Variants in SORBS2 observed in about 807,000 individuals in gnomAD.
SORBS2 encodes the protein sorbin and SH3 domain-containing protein 2.
SORBS2 carries 46 observed loss-of-function variants against 97.7 expected under a neutral mutation model. The ratio of observed to expected loss-of-function variants is 0.47; its 90% CI spans 0.37 to 0.60. The LOEUF (loss-of-function observed/expected upper bound fraction) is 0.60, where lower values mean the gene tolerates loss of function less well. SORBS2 is among the 20% of genes least tolerant of loss of function. SORBS2 has a pLI of 0.00. For missense variants in SORBS2, 1,316 were observed against 1,282.3 expected (o/e 1.03, Z -0.40); for synonymous variants, 476 against 473.4 (o/e 1.01, Z -0.07).
intron 2 of SORBS2, among the ~76,000 whole-genome samples, chr4:185,730,614 G>A (rs1184334249): frequency 2.0e-5 from 3 of 152,234 alleles, no homozygotes; most frequent in African/African-American, 4.8e-5. Flanking sequence ...GTTCCTCCAA[G>A]AAAGGATGCT....
intron 12 of SORBS2, among the ~76,000 whole-genome samples, chr4:185,597,386 T>TGAC (rs1462897146): frequency 6.6e-6 from 1 of 152,076 alleles, no homozygotes; most frequent in Non-Finnish European, 1.5e-5. Flanking sequence ...GCTGGGACAC[T>TGAC]GACATTGATT....
At position 185,945,878 on chromosome 4, in the gene SORBS2, A is replaced by T. The variant is rs1358566952; in HGVS notation, c.-338+10318T>A. On this transcript the variant is annotated intron_variant, in intron 1 of 20. Transcript: ENST00000284776. ...GAGGGGTAGGGAATGATGTTCCAGG[A>T]AGAAGCAGCAGCAGTCAGAAAGGCA... Among the ~76,000 whole-genome samples the T allele has an allele frequency of 2.0e-5, 3 of 152,146 alleles. No individual in the cohort carries two copies. In the East Asian group the frequency reaches 5.8e-4, roughly 29 times the overall value.
intron 12 of SORBS2, among the ~76,000 whole-genome samples, chr4:185,595,476 G>C (rs1053877203): frequency 6.6e-6 from 1 of 152,006 alleles, no homozygotes; most frequent in African/African-American, 2.4e-5. Context: ...AAATATATAA[G>C]ATGGTAATTG....
intron 2 of SORBS2, among the ~76,000 whole-genome samples, chr4:185,724,171 A>C (rs1351693850): frequency 2.6e-5 from 4 of 152,110 alleles, no homozygotes; most frequent in Non-Finnish European, 4.4e-5. Context: ...GGGTTTCTTA[A>C]CCTACCTCTT....
chr4:185,734,438 G>A (rs2098668580), intron 2 of SORBS2, among the ~76,000 whole-genome samples: 2 of 152,150 alleles, frequency 1.3e-5, no homozygotes, highest in Admixed American at 6.5e-5. Context: ...GTTTTAGGTG[G>A]GGGTGAAGCA....
chr4:185,865,114 A>G (rs1279593936), intron 1 of SORBS2, among the ~76,000 whole-genome samples: 1 of 152,098 alleles, frequency 6.6e-6, no homozygotes, highest in South Asian at 2.1e-4. Flanking sequence ...TACCATGGGC[A>G]TCTTTCTGTT....
At chr4:185,773,025 T>A (rs115046371) in intron 2 of SORBS2, 82 of 148,648 alleles carry the variant, frequency 5.5e-4, no homozygotes, top group African/African-American at 1.9e-3. Flanking sequence ...AGTTTCAACG[T>A]AAAATTCAGG....
chr4:185,740,592 C>T (rs981885672), intron 2 of SORBS2, among the ~76,000 whole-genome samples: 1 of 152,156 alleles, frequency 6.6e-6, no homozygotes, highest in Admixed American at 6.5e-5. Context: ...AAATAGGCAG[C>T]TCAGCCCAAC....
intron 13 of SORBS2, among the ~76,000 whole-genome samples, chr4:185,589,996 T>A (rs1159971916): frequency 6.6e-6 from 1 of 152,160 alleles, no homozygotes; most frequent in Non-Finnish European, 1.5e-5. Flanking sequence ...TTCACAGGCA[T>A]TAGAACACTC....
intron 4 of SORBS2, among the ~76,000 whole-genome samples, chr4:185,670,786 C>T (rs1475512754): frequency 6.6e-6 from 1 of 152,094 alleles, no homozygotes; most frequent in Non-Finnish European, 1.5e-5. Context: ...ATGAGGAGAC[C>T]TGCCTGGCAG....
At chr4:185,655,092 A>AT (rs2097375883) in intron 1 of SORBS2, among the ~76,000 whole-genome samples, 1 of 152,152 alleles carries the variant, frequency 6.6e-6, no homozygotes, top group Non-Finnish European at 1.5e-5. Context: ...AGCCCTGGCG[A>AT]TTTTTGTTGT....
At chr4:185,715,059 A>AT (rs140787066) in intron 2 of SORBS2, among the ~76,000 whole-genome samples, 5,811 of 152,344 alleles carry the variant, frequency 0.038, 153 homozygotes, top group Non-Finnish European at 0.058. Flanking sequence ...TTCACGACAG[A>AT]TTTTTTAAAA....
At chr4:185,688,505 A>ATAG (rs369834856) in intron 2 of SORBS2, among the ~76,000 whole-genome samples, 9,597 of 127,730 alleles carry the variant, frequency 0.075, 419 homozygotes, top group South Asian at 0.11. Context: ...TAGATAGATA[A>ATAG]ATAGATAGAT....
At chr4:185,668,788 T>C (rs978224584) in intron 4 of SORBS2, among the ~76,000 whole-genome samples, 3 of 152,232 alleles carry the variant, frequency 2.0e-5, no homozygotes, top group Admixed American at 6.5e-5. Context: ...CTAATTGTTT[T>C]AGGTCTCCTT....
chr4:185,813,415 C>T (rs568663791), intron 1 of SORBS2, among the ~76,000 whole-genome samples: 3 of 152,312 alleles, frequency 2.0e-5, no homozygotes, highest in African/African-American at 4.8e-5. Flanking sequence ...CCAGGGTCAG[C>T]GTATCCATGG....
upstream of SORBS2, among the ~76,000 whole-genome samples, chr4:185,661,438 C>A (rs75985399): frequency 6.5e-3 from 991 of 152,238 alleles, 15 homozygotes; most frequent in African/African-American, 0.023. Flanking sequence ...TTTTTATGAA[C>A]GTCCGTATGT....
At chr4:185,708,687 TC>T (rs111579459) in intron 2 of SORBS2, among the ~76,000 whole-genome samples, 1 of 152,254 alleles carries the variant, frequency 6.6e-6, no homozygotes, top group African/African-American at 2.4e-5. Flanking sequence ...TTTTACCCCT[TC>T]CCAGTGCTTT....
At chr4:185,756,163 G>A (rs1448493128) in intron 2 of SORBS2, among the ~76,000 whole-genome samples, 2 of 152,120 alleles carry the variant, frequency 1.3e-5, no homozygotes, top group African/African-American at 4.8e-5. Context: ...CAAGAAAATC[G>A]AATACAAGAT....
intron 2 of SORBS2, chr4:185,770,923 T>A (rs912061939): frequency 1.3e-5 from 2 of 151,648 alleles, no homozygotes; most frequent in Non-Finnish European, 1.5e-5. Flanking sequence ...TTGGTGTTGA[T>A]TCTCAATTTT....
Sources: allele counts gnomAD v4.1 joint callset (sites outside exome capture counted in the v4.1 genomes callset), GRCh38; gene constraint gnomAD v4.1.1; transcripts MANE v1.5; gene names NCBI Gene and HGNC (gene_info 2026-07-23, HGNC 2026-07-21).